Variants in FRAS1 observed in about 807,000 individuals in gnomAD.
The protein encoded by FRAS1 is Fraser extracellular matrix complex subunit 1.
Under a neutral mutation model 435.2 loss-of-function variants are expected in FRAS1, and 290 were observed. The ratio of observed to expected loss-of-function variants is 0.67; its 90% CI spans 0.61 to 0.73. The LOEUF (loss-of-function observed/expected upper bound fraction) is 0.73. Among genes scored for constraint, FRAS1 ranks in the 30% least tolerant of loss-of-function variants. The probability of loss-of-function intolerance (pLI) is 0.00; values close to 1 mark genes in which losing one functional copy is unlikely to be tolerated. For missense variants in FRAS1, 4,860 were observed against 5,001.5 expected (o/e 0.97, Z 0.85); for synonymous variants, 1,800 against 1,851.0 (o/e 0.97, Z 0.71).
chr4:78,197,436 C>T (rs989682970), intron 2 of FRAS1, among the ~76,000 whole-genome samples: 11 of 152,148 alleles, frequency 7.2e-5, no homozygotes, highest in Non-Finnish European at 1.6e-4. Flanking sequence ...TCTTCATCCT[C>T]ATCATCTTTA....
chr4:78,186,455 T>C (rs1241162992), intron 2 of FRAS1, among the ~76,000 whole-genome samples: 1 of 152,236 alleles, frequency 6.6e-6, no homozygotes, highest in Non-Finnish European at 1.5e-5. Flanking sequence ...TGTATTAATT[T>C]GGAGCCACCG....
intron 2 of FRAS1, among the ~76,000 whole-genome samples, chr4:78,123,300 T>G (rs1460295628): frequency 6.6e-6 from 1 of 152,168 alleles, no homozygotes; most frequent in Non-Finnish European, 1.5e-5. Context: ...TGTGTGGTGT[T>G]ATTTCTGAGG....
At position 78,272,630 on chromosome 4, in the gene FRAS1, G is replaced by A. The variant is rs576530146; in HGVS notation, c.981+5198G>A. Among the ~76,000 whole-genome samples the A allele has an allele frequency of 3.3e-5, 5 of 152,128 alleles. No individual in the cohort carries two copies. In the East Asian group the frequency reaches 5.8e-4, roughly 18 times the overall value. ...AAATATCAGATGGTTGTAGATATGCGGCATTATTTCTGAGGGCTCTGTTCT... is the reference window on the plus strand; with the variant it reads ...AAATATCAGATGGTTGTAGATATGCAGCATTATTTCTGAGGGCTCTGTTCT... On this transcript the variant is annotated intron_variant, in intron 9 of 73. Transcript: ENST00000512123.
At chr4:78,420,237 T>A (rs1332589414) in intron 33 of FRAS1, among the ~76,000 whole-genome samples, 1 of 152,218 alleles carries the variant, frequency 6.6e-6, no homozygotes, top group Non-Finnish European at 1.5e-5. Flanking sequence ...TCCATTATCC[T>A]TTTGACAAAG....
chr4:78,259,587 A>C (rs548246340), intron 6 of FRAS1, among the ~76,000 whole-genome samples: 1 of 150,650 alleles, frequency 6.6e-6, no homozygotes, highest in Non-Finnish European at 1.5e-5. Flanking sequence ...GTTTGAGTTC[A>C]TTGTAGATTC....
At chr4:78,342,861 T>G (rs1730446794) in intron 20 of FRAS1, among the ~76,000 whole-genome samples, 1 of 152,184 alleles carries the variant, frequency 6.6e-6, no homozygotes, top group Admixed American at 6.5e-5. Flanking sequence ...TAGTTTTTTT[T>G]GGGTAGTGAA....
At chr4:78,331,136 A>T (rs1473789208) in intron 18 of FRAS1, among the ~76,000 whole-genome samples, 1 of 152,258 alleles carries the variant, frequency 6.6e-6, no homozygotes, top group Non-Finnish European at 1.5e-5. Flanking sequence ...GGGCTGTTTT[A>T]TAATCTTAAA....
chr4:78,493,047 G>A (rs1436762001), intron 59 of FRAS1, among the ~76,000 whole-genome samples: 1 of 151,294 alleles, frequency 6.6e-6, no homozygotes, highest in Non-Finnish European at 1.5e-5. Context: ...ACAAACAAAT[G>A]AAGAAAAGCT....
intron 2 of FRAS1, among the ~76,000 whole-genome samples, chr4:78,146,678 TATC>T (rs143038287): frequency 0.024 from 3,646 of 152,222 alleles, 99 homozygotes; most frequent in South Asian, 0.084. Context: ...CCACATATCT[TATC>T]ATTTCCTCTA....
Position 78,066,010 on chromosome 4 carries a change from G to A in FRAS1, c.102G>A (p.Leu34=), listed in dbSNP as rs765407620. ...GTGCTTGTGTCTATCAGGATTCCTTGTTGGCGGTAGGTCATTCTTTACATA... is the reference window on the plus strand; with the variant it reads ...GTGCTTGTGTCTATCAGGATTCCTTATTGGCGGTAGGTCATTCTTTACATA... ...SEGACVYQDS[L]LADATIWKPD... is the part of the protein sequence containing the mutation. The change falls in exon 2 of 74, where the codon TTG becomes TTA. Residue 34 remains leucine, a synonymous_variant. Transcript: ENST00000512123. 1 of 1,605,364 alleles carries A rather than the reference G, an allele frequency of 6.2e-7. No individual in the cohort carries two copies. Among genetic ancestry groups the A allele is most frequent in the African/African-American group, 1.3e-5 (1 of 74,606 alleles).
rs1578382254 is a variant in FRAS1, at chr4:78,540,923, T to A, written c.11838T>A (p.Tyr3946Ter). 2 of 1,613,914 alleles carry A rather than the reference T, an allele frequency of 1.2e-6. No homozygotes were observed. Among genetic ancestry groups the A allele is most frequent in the East Asian group, 4.5e-5 (2 of 44,870 alleles). ...CCGCAGAGGACATTTTGGAAGAATA[T>A]CCTCTGAATACCAAGGTAGAAGTGC... ...KKPAEDILEE[Y>*]PLNTKVEVPK... Residue 3946 changes from tyrosine (Y) to a stop codon, truncating the protein, a stop_gained, in exon 74 of 74, where the codon TAT becomes TAA. Transcript: ENST00000512123. LOFTEE classifies it high-confidence loss of function.
chr4:78,413,019 C>A lies in FRAS1; in HGVS notation c.4359C>A (p.Asn1453Lys), dbSNP rs1042239476. The change falls in exon 32 of 74, where the codon AAC (asparagine) becomes AAA (lysine). Residue 1453 changes from asparagine (N) to lysine (K), a missense_variant. Transcript: ENST00000512123. ...AQTRLESHMF[N>K]IAILPQTPEA... ...CCCGCCTGGAGAGCCACATGTTCAA[C>A]ATCGCGATCTTACCACAGACACCTG... is the stretch of plus-strand genomic sequence containing the variant. 2 of 1,610,398 alleles carry A rather than the reference C, an allele frequency of 1.2e-6. No individual in the cohort carries two copies. The highest frequency in any genetic ancestry group is 1.7e-6 in the Non-Finnish European group (2 of 1,178,504).
rs72430754 is a variant in FRAS1, at chr4:78,420,879, C to CATATATATATATATATATATAT, written c.4541-963_4541-942dup. Among the ~76,000 whole-genome samples the CATATATATATATATATATATAT allele has an allele frequency of 5.2e-5, 5 of 95,482 alleles. 1 individual carries two copies. The highest frequency in any genetic ancestry group is 1.7e-4 in the African/African-American group (4 of 24,158). 62.6% of individuals were successfully genotyped at this position (95,482 alleles called of 152,430 possible). A position where few individuals can be genotyped will look rare whatever the true frequency, so the allele number is the denominator to read the frequency against. ...CTCTAGAGGGACAGAACTAATAGGA[C>CATATATATATATATATATATAT]ATATATATATATATATATATATATA... On this transcript the variant is annotated intron_variant, in intron 33 of 73. Transcript: ENST00000512123.
chr4:78,540,027 T>G (rs978893992), intron 73 of FRAS1, among the ~76,000 whole-genome samples: 3 of 152,246 alleles, frequency 2.0e-5, no homozygotes, highest in Non-Finnish European at 2.9e-5. Context: ...TGATATAGCC[T>G]GATTGAGAAG....
At chr4:78,113,144 A>G (rs1249063118) in intron 2 of FRAS1, among the ~76,000 whole-genome samples, 1 of 152,194 alleles carries the variant, frequency 6.6e-6, no homozygotes, top group East Asian at 1.9e-4. Context: ...ATGTCCCTAC[A>G]AAGGACATGA....
intron 2 of FRAS1, among the ~76,000 whole-genome samples, chr4:78,146,751 A>AAAACT (rs1720437431): frequency 6.6e-6 from 1 of 152,148 alleles, no homozygotes; most frequent in Non-Finnish European, 1.5e-5. Context: ...CTGTTAAATG[A>AAAACT]GTTTTTAGTG....
At chr4:78,418,896 T>A (rs954750267) in intron 32 of FRAS1, 53 bp from the exon 33 acceptor site, 20 of 1,111,884 alleles carry the variant, frequency 1.8e-5, no homozygotes, top group Non-Finnish European at 2.6e-5. Context: ...TTTTTGCCTC[T>A]GGCTTTTGTT....
rs1233871581 is a variant in FRAS1, at chr4:78,249,030, C to T, written c.310-3362C>T. Among the ~76,000 whole-genome samples, 12 of 34,138 alleles carry T rather than the reference C, an allele frequency of 3.5e-4. 1 individual carries two copies. The highest frequency in any genetic ancestry group is 7.3e-4 in the African/African-American group (10 of 13,672). The allele number at this position is 34,138 out of a possible 152,430, so 22.4% of individuals were successfully genotyped here. A position where few individuals can be genotyped will look rare whatever the true frequency, so the allele number is the denominator to read the frequency against. The stretch of plus-strand genomic sequence containing the variant: ...TTATAAAAAATAATGCTTTCATAAA[C>T]GTGTATGAAGAACTACTGATATATA... On this transcript the variant is annotated intron_variant, in intron 4 of 73. Coordinates refer to ENST00000512123, the MANE Select transcript of FRAS1 (RefSeq NM_025074.7).
At chr4:78,197,401 T>C (rs1414870333) in intron 2 of FRAS1, among the ~76,000 whole-genome samples, 2 of 152,220 alleles carry the variant, frequency 1.3e-5, no homozygotes, top group Non-Finnish European at 1.5e-5. Context: ...CAATAAGATG[T>C]CACAATTAGT....
Sources: allele counts gnomAD v4.1 joint callset (sites outside exome capture counted in the v4.1 genomes callset), GRCh38; gene constraint gnomAD v4.1.1; transcripts MANE v1.5; gene names NCBI Gene and HGNC (gene_info 2026-07-23, HGNC 2026-07-21).